PIGK: variants seen among roughly 807,000 people sequenced by gnomAD.
PIGK encodes GPI-anchor transamidase.
In PIGK, 42 loss-of-function variants were observed where a neutral mutation model predicts 50.6. That is an observed-to-expected ratio of 0.83 (90% CI 0.65 to 1.07). The LOEUF is 1.07. Ranked by LOEUF, PIGK falls within the 50% of genes least tolerant of loss-of-function variation. The probability of loss-of-function intolerance (pLI) is 0.00; values close to 1 mark genes in which losing one functional copy is unlikely to be tolerated. For synonymous variants in PIGK, 151 were observed against 156.0 expected (o/e 0.97, Z 0.24); for missense variants, 448 against 488.7 (o/e 0.92, Z 0.78).
chr1:77,168,487 T>TAA (rs2100560135), intron 4 of PIGK, among the ~76,000 whole-genome samples: 1 of 152,092 alleles, frequency 6.6e-6, no homozygotes, highest in Admixed American at 6.5e-5. Flanking sequence ...AATAAACAAG[T>TAA]AAAAGGTTAA....
At chr1:77,192,183 T>C (rs946911532) in intron 3 of PIGK, among the ~76,000 whole-genome samples, 1 of 151,824 alleles carries the variant, frequency 6.6e-6, no homozygotes, top group Non-Finnish European at 1.5e-5. Context: ...GACACAACAC[T>C]AGTCGTGAAG....
Position 77,161,636 on chromosome 1 carries a change from T to C in PIGK, c.660A>G (p.Ile220Met), listed in dbSNP as rs1441087719. The C allele has an allele frequency of 6.3e-7, 1 of 1,579,040 alleles. No homozygotes were observed. Among genetic ancestry groups the C allele is most frequent in the South Asian group, 1.1e-5 (1 of 90,340 alleles). Reference protein sequence around the residue: ...SMYERFYSPNIMALASSQVGE... With the variant: ...SMYERFYSPNMMALASSQVGE... ...CCACTTGACTACTAGCTAGAGCCAT[T>C]ATGTTAGGAGAATAAAATCGTTCAT... is the stretch of plus-strand genomic sequence containing the variant. The change falls in exon 7 of 11, where the codon ATA becomes ATG. Residue 220 changes from isoleucine (I) to methionine (M), a missense_variant. Coordinates refer to ENST00000370812, the MANE Select transcript of PIGK (RefSeq NM_005482.3).
intron 3 of PIGK, among the ~76,000 whole-genome samples, chr1:77,196,065 T>G (rs1656028386): frequency 6.6e-6 from 1 of 152,208 alleles, no homozygotes; most frequent in South Asian, 2.1e-4. Flanking sequence ...CACTTATAAG[T>G]AAGAACATGT....
At chr1:77,206,530 ATT>A in intron 3 of PIGK, 108 bp downstream of exon 3, 29 of 589,062 alleles carry the variant, frequency 4.9e-5, no homozygotes, top group Non-Finnish European at 5.9e-5. Context: ...TTCAAATCAG[ATT>A]TTTTTTTTTA....
intron 10 of PIGK, among the ~76,000 whole-genome samples, chr1:77,120,869 C>T (rs1219932292): frequency 1.3e-5 from 2 of 151,936 alleles, no homozygotes; most frequent in Admixed American, 6.6e-5. Context: ...CTTGTACTGC[C>T]AAAAAAATCA....
intron 3 of PIGK, among the ~76,000 whole-genome samples, chr1:77,172,407 C>A (rs1159997668): frequency 6.6e-6 from 1 of 152,120 alleles, no homozygotes; most frequent in Non-Finnish European, 1.5e-5. Context: ...TGTCTCTAAT[C>A]TTCTTCCGCC....
At chr1:77,181,556 A>G (rs898023698) in intron 3 of PIGK, among the ~76,000 whole-genome samples, 2 of 152,180 alleles carry the variant, frequency 1.3e-5, no homozygotes, top group Non-Finnish European at 2.9e-5. Context: ...ACCTTAGAGC[A>G]TTGTTTAGCT....
chr1:77,123,714 G>A (rs1192282751), intron 9 of PIGK, among the ~76,000 whole-genome samples: 1 of 152,012 alleles, frequency 6.6e-6, no homozygotes, highest in Non-Finnish European at 1.5e-5. Flanking sequence ...TGGATGGGGG[G>A]ATGATAGTTA....
At position 77,116,681 on chromosome 1, in the gene PIGK, T is replaced by C. The variant is rs182731271; in HGVS notation, c.1071+5594A>G. Among the ~76,000 whole-genome samples the C allele has an allele frequency of 2.6e-5, 4 of 151,090 alleles. No homozygotes were observed. In the East Asian group the frequency reaches 7.8e-4, roughly 30 times the overall value. ...CTTAGTGTCACAACAGAAATAATAGTCATCAGGACCAAGAACAGAGAGACT... is the reference window on the plus strand; with the variant it reads ...CTTAGTGTCACAACAGAAATAATAGCCATCAGGACCAAGAACAGAGAGACT... On this transcript the variant is annotated intron_variant, in intron 10 of 10. Coordinates refer to ENST00000370812, the MANE Select transcript of PIGK (RefSeq NM_005482.3).
chr1:77,171,038 T>C (rs1314817274), intron 3 of PIGK, among the ~76,000 whole-genome samples: 9 of 150,100 alleles, frequency 6.0e-5, no homozygotes, highest in Admixed American at 6.0e-4. Context: ...AAAATACATC[T>C]TCTCTTTTTT....
Position 77,174,111 on chromosome 1 carries a change from G to A in PIGK, c.240-4716C>T, listed in dbSNP as rs1351038441. ...GCCTGAGTTCAATTCCTGGCTTAGG[G>A]AACGAGTCCTTTCTGGTTTGATATC... On this transcript the variant is annotated intron_variant, in intron 3 of 10. Coordinates refer to ENST00000370812, the MANE Select transcript of PIGK (RefSeq NM_005482.3). Among the ~76,000 whole-genome samples the A allele has an allele frequency of 1.3e-5, 2 of 152,186 alleles. 1 individual carries two copies. Among genetic ancestry groups the A allele is most frequent in the Non-Finnish European group, 2.9e-5 (2 of 68,038 alleles).
At chr1:77,124,620 C>CAAA (rs1553181006) in intron 9 of PIGK, among the ~76,000 whole-genome samples, 2 of 146,664 alleles carry the variant, frequency 1.4e-5, no homozygotes, top group South Asian at 4.3e-4. Context: ...AAACAAACAA[C>CAAA]AAAAAAAAAA....
chr1:77,152,060 GA>G lies in PIGK; in HGVS notation c.986+2388del, dbSNP rs562915473. Among the ~76,000 whole-genome samples, 18 of 152,134 alleles carry G rather than the reference GA, an allele frequency of 1.2e-4. No individual in the cohort carries two copies. The East Asian group carries it at 1.5e-3, about 13-fold the overall frequency. On this transcript the variant is annotated intron_variant, in intron 9 of 10. Coordinates refer to ENST00000370812, the MANE Select transcript of PIGK (RefSeq NM_005482.3). ...GAATAGCTAAAGCAACCCTGAGCAA[GA>G]AGAACAAAGCTGGACGCATCATACT...
At chr1:77,151,148 A>G (rs1322762045) in intron 9 of PIGK, among the ~76,000 whole-genome samples, 4 of 152,196 alleles carry the variant, frequency 2.6e-5, no homozygotes, top group Non-Finnish European at 5.9e-5. Context: ...AGACCATTCC[A>G]TCATGATCAA....
intron 9 of PIGK, among the ~76,000 whole-genome samples, chr1:77,131,112 G>T (rs903788631): frequency 6.6e-6 from 1 of 151,526 alleles, no homozygotes; most frequent in South Asian, 2.1e-4. Flanking sequence ...ATTTTATTTT[G>T]TCTCCATAAA....
At chr1:77,105,900 T>C (rs1359811500) in intron 10 of PIGK, among the ~76,000 whole-genome samples, 1 of 152,148 alleles carries the variant, frequency 6.6e-6, no homozygotes, top group African/African-American at 2.4e-5. Flanking sequence ...TAAGAATGAC[T>C]GAAGCTAGGC....
intron 3 of PIGK, among the ~76,000 whole-genome samples, chr1:77,202,758 T>C (rs1656199187): frequency 6.6e-6 from 1 of 152,196 alleles, no homozygotes; most frequent in Non-Finnish European, 1.5e-5. Flanking sequence ...AAACAATGCA[T>C]CAGACAGGGA....
intron 9 of PIGK, among the ~76,000 whole-genome samples, chr1:77,147,698 A>C (rs1461523876): frequency 6.6e-6 from 1 of 152,232 alleles, no homozygotes; most frequent in Non-Finnish European, 1.5e-5. Flanking sequence ...CTGCATACTT[A>C]TCCAAAGCCA....
chr1:77,152,711 T>C (rs7531970), intron 9 of PIGK, among the ~76,000 whole-genome samples: 26,824 of 151,682 alleles, frequency 0.18, 2,562 homozygotes, highest in East Asian at 0.36. Context: ...AATCTAATTA[T>C]AAAATGGGCA....
Sources: allele counts gnomAD v4.1 joint callset (sites outside exome capture counted in the v4.1 genomes callset), GRCh38; gene constraint gnomAD v4.1.1; transcripts MANE v1.5; gene names NCBI Gene and HGNC (gene_info 2026-07-23, HGNC 2026-07-21).